Variants in ZNF277 observed in about 807,000 individuals in gnomAD.
ZNF277 encodes zinc finger protein 277.
Under a neutral mutation model 60.7 loss-of-function variants are expected in ZNF277, and 55 were observed. The ratio of observed to expected loss-of-function variants is 0.91; its 90% CI spans 0.73 to 1.13. The LOEUF is 1.13. Ranked by LOEUF, ZNF277 falls within the 50% of genes most tolerant of loss-of-function variation. The pLI is 0.00. For synonymous variants in ZNF277, 178 were observed against 179.3 expected (o/e 0.99, Z 0.06); for missense variants, 510 against 523.0 (o/e 0.98, Z 0.24).
In ZNF277 at chr7:112,286,927, C is replaced by T. The variant is rs1416073563; in HGVS notation, c.146C>T (p.Thr49Ile). The T allele has an allele frequency of 6.2e-7, 1 of 1,607,054 alleles. No homozygotes were observed. Among genetic ancestry groups the T allele is most frequent in the South Asian group, 1.1e-5 (1 of 90,884 alleles). The change falls in exon 2 of 12, where the codon ACC becomes ATC. Residue 49 changes from threonine to isoleucine, a missense_variant. Coordinates refer to ENST00000361822, the MANE Select transcript of ZNF277 (RefSeq NM_021994.3). ...TCCCTGCCAGAAAGTCCAGGTGGCA[C>T]CACCACTTTAGAAGGTTCTCCATCT... ...PLSLPESPGG[T>I]TTLEGSPSVP... is the part of the protein sequence containing the mutation.
intron 1 of ZNF277, among the ~76,000 whole-genome samples, chr7:112,210,465 G>GTTTTTTTTTTTT (rs66533644): frequency 1.5e-5 from 2 of 132,668 alleles, no homozygotes; most frequent in Non-Finnish European, 3.2e-5. Flanking sequence ...TTTGTTTTTT[G>GTTTTTTTTTTTT]TTTTTTTTTT....
chr7:112,216,004 A>G (rs1563193478), intron 1 of ZNF277, among the ~76,000 whole-genome samples: 2 of 152,248 alleles, frequency 1.3e-5, no homozygotes, highest in African/African-American at 4.8e-5. Context: ...GAACTGTAAC[A>G]TAACATCAAT....
At chr7:112,222,412 G>A (rs1379092175) in intron 1 of ZNF277, among the ~76,000 whole-genome samples, 7 of 152,116 alleles carry the variant, frequency 4.6e-5, no homozygotes. Flanking sequence ...ATTGAGTCTT[G>A]CTAGGTTCTA....
intron 1 of ZNF277, among the ~76,000 whole-genome samples, chr7:112,254,049 C>T (rs1347844973): frequency 2.0e-5 from 3 of 152,170 alleles, no homozygotes; most frequent in Non-Finnish European, 2.9e-5. Flanking sequence ...TTAAAATAGC[C>T]ATGAAACACT....
chr7:112,280,666 C>T, intron 1 of ZNF277, among the ~76,000 whole-genome samples: 1 of 151,770 alleles, frequency 6.6e-6, no homozygotes, highest in African/African-American at 2.4e-5. Flanking sequence ...CACTCTGTCA[C>T]CCAGACTGGA....
intron 1 of ZNF277, among the ~76,000 whole-genome samples, chr7:112,248,177 A>G (rs1047376762): frequency 1.3e-5 from 2 of 152,116 alleles, no homozygotes. Context: ...TGTCAGGGAC[A>G]TAAGAAAATT....
intron 7 of ZNF277, among the ~76,000 whole-genome samples, chr7:112,331,055 A>C: frequency 6.6e-6 from 1 of 152,210 alleles, no homozygotes; most frequent in East Asian, 1.9e-4. Flanking sequence ...GGAAGTTTCA[A>C]GGAAACCAAA....
chr7:112,231,391 C>T (rs1207644961), intron 1 of ZNF277, among the ~76,000 whole-genome samples: 1 of 152,160 alleles, frequency 6.6e-6, no homozygotes, highest in Non-Finnish European at 1.5e-5. Flanking sequence ...ACATTCATAT[C>T]TACTGCAAAT....
intron 4 of ZNF277, among the ~76,000 whole-genome samples, chr7:112,310,005 C>T (rs1390599411): frequency 6.6e-6 from 1 of 152,094 alleles, no homozygotes; most frequent in Admixed American, 6.6e-5. Flanking sequence ...AGTATGTAAC[C>T]ATACCCAGAC....
At chr7:112,322,692 T>C (rs1793010364) in intron 5 of ZNF277, among the ~76,000 whole-genome samples, 2 of 152,142 alleles carry the variant, frequency 1.3e-5, no homozygotes, top group South Asian at 4.1e-4. Context: ...TTAAAGTCCT[T>C]GTCTGGTGTG....
At chr7:112,331,667 T>A (rs1793231597) in intron 7 of ZNF277, among the ~76,000 whole-genome samples, 1 of 152,162 alleles carries the variant, frequency 6.6e-6, no homozygotes. Context: ...CTACAAATGT[T>A]TTACAACCAG....
At chr7:112,304,255 G>A (rs1792543092) in intron 4 of ZNF277, among the ~76,000 whole-genome samples, 1 of 152,098 alleles carries the variant, frequency 6.6e-6, no homozygotes. Flanking sequence ...ATGCAGAGCT[G>A]TGTGTTTAAG....
intron 1 of ZNF277, among the ~76,000 whole-genome samples, chr7:112,285,022 C>T (rs1792032061): frequency 6.6e-6 from 1 of 151,874 alleles, no homozygotes; most frequent in Non-Finnish European, 1.5e-5. Context: ...TCTTACATTG[C>T]TTATATAATT....
At chr7:112,217,869 T>A (rs905519463) in intron 1 of ZNF277, among the ~76,000 whole-genome samples, 13 of 152,142 alleles carry the variant, frequency 8.5e-5, no homozygotes, top group Non-Finnish European at 1.5e-4. Context: ...GTGGGTCAGC[T>A]GGTACCACCG....
chr7:112,263,062 G>T (rs1791470347), intron 1 of ZNF277, among the ~76,000 whole-genome samples: 1 of 152,112 alleles, frequency 6.6e-6, no homozygotes, highest in African/African-American at 2.4e-5. Context: ...ATTTCTTACT[G>T]GCAGTGTAAC....
chr7:112,238,858 T>G (rs1055732497), intron 1 of ZNF277, among the ~76,000 whole-genome samples: 3 of 151,618 alleles, frequency 2.0e-5, no homozygotes, highest in Admixed American at 2.0e-4. Flanking sequence ...ATGAATAAGT[T>G]ATTTAGTGGT....
chr7:112,268,871 A>G (rs10487289), intron 1 of ZNF277, among the ~76,000 whole-genome samples: 8,561 of 152,224 alleles, frequency 0.056, 641 homozygotes, highest in African/African-American at 0.17. Flanking sequence ...TTAGATAAAC[A>G]GTCAGTTGGG....
At chr7:112,286,461 C>A (rs1377020397) in intron 1 of ZNF277, among the ~76,000 whole-genome samples, 3 of 152,148 alleles carry the variant, frequency 2.0e-5, no homozygotes, top group African/African-American at 7.2e-5. Context: ...TTAATGTATA[C>A]CATTTATTCC....
At chr7:112,245,138 T>C (rs981422243) in intron 1 of ZNF277, among the ~76,000 whole-genome samples, 1 of 152,250 alleles carries the variant, frequency 6.6e-6, no homozygotes, top group African/African-American at 2.4e-5. Flanking sequence ...TTCTTGGCTT[T>C]CTGATTTCTT....
Sources: allele counts gnomAD v4.1 joint callset (sites outside exome capture counted in the v4.1 genomes callset), GRCh38; gene constraint gnomAD v4.1.1; transcripts MANE v1.5; gene names NCBI Gene and HGNC (gene_info 2026-07-23, HGNC 2026-07-21).